UTS2B: variants seen among roughly 807,000 people sequenced by gnomAD.
UTS2B encodes urotensin-2B.
A neutral mutation model predicts 19.2 loss-of-function variants in UTS2B; 21 were observed. The ratio of observed to expected loss-of-function variants is 1.09; its 90% confidence interval spans 0.78 to 1.58. UTS2B has a LOEUF of 1.58. Ranked by LOEUF, UTS2B falls within the 40% of genes most tolerant of loss-of-function variation. The pLI, the probability that UTS2B is intolerant of heterozygous loss-of-function variation, is 0.00. For synonymous variants in UTS2B, 57 were observed against 50.2 expected (o/e 1.14, Z -0.58); for missense variants, 138 against 130.3 (o/e 1.06, Z -0.29).
intron 1 of UTS2B, chr3:191,329,594 C>G: frequency 6.8e-7 from 1 of 1,471,886 alleles, no homozygotes. Flanking sequence ...TCCGGCGCTG[C>G]TGCTGCGCTC....
chr3:191,314,412 T>C (rs1717392047), intron 3 of UTS2B, among the ~76,000 whole-genome samples: 1 of 152,268 alleles, frequency 6.6e-6, no homozygotes, highest in Non-Finnish European at 1.5e-5. Flanking sequence ...CTCATAAAAG[T>C]TGGGAAATAG....
intron 4 of UTS2B, among the ~76,000 whole-genome samples, chr3:191,296,307 G>T (rs2108589406): frequency 6.6e-6 from 1 of 151,968 alleles, no homozygotes; most frequent in East Asian, 1.9e-4. Context: ...TCCATTTTAA[G>T]CCTCAATTAA....
chr3:191,306,932 A>T (rs762745857), intron 3 of UTS2B, among the ~76,000 whole-genome samples: 1 of 152,160 alleles, frequency 6.6e-6, no homozygotes, highest in Non-Finnish European at 1.5e-5. Context: ...GCACCCAGCC[A>T]GGAGGGGAAA....
At chr3:191,336,370 A>G in the UTS2B span, among the ~76,000 whole-genome samples, 1 of 151,984 alleles carries the variant, frequency 6.6e-6, no homozygotes. Flanking sequence ...CATTTGAGCA[A>G]GTGTGTCATG....
chr3:191,328,223 C>T (rs551929487), intron 2 of UTS2B: 5 of 152,152 alleles, frequency 3.3e-5, no homozygotes, highest in Non-Finnish European at 5.9e-5. Context: ...CATACTGGGA[C>T]TCTGAGCTGT....
chr3:191,276,575 T>C (rs562995233), intron 7 of UTS2B, among the ~76,000 whole-genome samples: 1 of 152,220 alleles, frequency 6.6e-6, no homozygotes, highest in Non-Finnish European at 1.5e-5. Flanking sequence ...AAAATTAGAA[T>C]CCAGATTTCT....
intron 7 of UTS2B, among the ~76,000 whole-genome samples, chr3:191,276,294 TA>T (rs1395003341): frequency 6.6e-6 from 1 of 152,160 alleles, no homozygotes; most frequent in African/African-American, 2.4e-5. Flanking sequence ...GTTTGCAGAA[TA>T]ATGGAATTGC....
intron 3 of UTS2B, among the ~76,000 whole-genome samples, chr3:191,309,564 T>C (rs776213605): frequency 2.8e-4 from 43 of 152,320 alleles, no homozygotes; most frequent in Non-Finnish European, 4.6e-4. Context: ...TTTGGATCTG[T>C]CTCCCCACCA....
chr3:191,304,170 C>G (rs993315913), intron 4 of UTS2B, among the ~76,000 whole-genome samples: 1 of 152,170 alleles, frequency 6.6e-6, no homozygotes, highest in African/African-American at 2.4e-5. Context: ...GTTGCCCAGG[C>G]TGGTCAAGAA....
chr3:191,339,321 C>T, the UTS2B span, among the ~76,000 whole-genome samples: 6 of 152,046 alleles, frequency 3.9e-5, no homozygotes, highest in Non-Finnish European at 5.9e-5. Flanking sequence ...TGCAGTGCTA[C>T]GAAAAACAAA....
At chr3:191,294,380 C>T (rs574778727) in intron 4 of UTS2B, among the ~76,000 whole-genome samples, 4 of 151,812 alleles carry the variant, frequency 2.6e-5, no homozygotes, top group African/African-American at 7.3e-5. Context: ...TTAGCAGTGC[C>T]TTTGTAAGAA....
chr3:191,284,306 A>G (rs1716473307), intron 4 of UTS2B, among the ~76,000 whole-genome samples: 1 of 151,952 alleles, frequency 6.6e-6, no homozygotes, highest in African/African-American at 2.4e-5. Context: ...AAGGTTGAAT[A>G]CTGATTATTC....
intron 1 of UTS2B, chr3:191,329,720 G>A (rs1324681305): frequency 6.2e-7 from 1 of 1,609,908 alleles, no homozygotes; most frequent in Admixed American, 1.7e-5. Flanking sequence ...TGGAGTCAAG[G>A]AAGGTAAGGG....
At chr3:191,281,761 A>C (rs1168288778) in intron 5 of UTS2B, among the ~76,000 whole-genome samples, 1 of 151,688 alleles carries the variant, frequency 6.6e-6, no homozygotes, top group African/African-American at 2.4e-5. Flanking sequence ...AGGATGCATT[A>C]CTATTTATAC....
the UTS2B span, among the ~76,000 whole-genome samples, chr3:191,339,783 C>T: frequency 6.6e-6 from 1 of 152,194 alleles, no homozygotes; most frequent in Admixed American, 6.5e-5. Context: ...TACTCTGATA[C>T]TGAAGACTCT....
chr3:191,311,508 G>C lies in UTS2B; in HGVS notation c.-182+4528C>G, dbSNP rs186405342. Among the ~76,000 whole-genome samples the C allele has an allele frequency of 3.0e-3, 461 of 152,280 alleles. 2 individuals are homozygous for C. The highest frequency in any genetic ancestry group is 0.011 in the African/African-American group (443 of 41,546). On this transcript the variant is annotated intron_variant, in intron 3 of 8. Coordinates refer to ENST00000340524, the MANE Select transcript of UTS2B (RefSeq NM_198152.5). Reference sequence around the variant, plus strand: ...ATCACCATTGCTCTCTGATAGCCAAGGTTCTATGATTGACACTCCTGTATT... The same window carrying C: ...ATCACCATTGCTCTCTGATAGCCAACGTTCTATGATTGACACTCCTGTATT...
At chr3:191,282,439 A>C in intron 4 of UTS2B, 126 bp from the exon 5 acceptor site, 2 of 389,722 alleles carry the variant, frequency 5.1e-6, no homozygotes, top group Non-Finnish European at 9.3e-6. Flanking sequence ...GAAGAACCCA[A>C]TCAATACATC....
chr3:191,339,124 G>A, the UTS2B span, among the ~76,000 whole-genome samples: 1 of 152,128 alleles, frequency 6.6e-6, no homozygotes, highest in Non-Finnish European at 1.5e-5. Flanking sequence ...AAAGTTTTGG[G>A]TTGGAAACAA....
intron 4 of UTS2B, among the ~76,000 whole-genome samples, chr3:191,288,518 A>G (rs534354627): frequency 8.5e-5 from 13 of 152,354 alleles, no homozygotes; most frequent in Non-Finnish European, 1.8e-4. Flanking sequence ...AACATACCAC[A>G]GGGAAAGGAG....
Sources: gnomAD v4.1 joint callset for allele counts (sites outside exome capture counted in the v4.1 genomes callset) on GRCh38, gnomAD v4.1.1 for gene constraint, MANE v1.5 for transcripts, NCBI Gene and HGNC (gene_info 2026-07-23, HGNC 2026-07-21) for gene names.